Variants in TBC1D8 observed in about 807,000 individuals in gnomAD.
TBC1D8 encodes BUB2-like protein 1.
A neutral mutation model predicts 118.8 loss-of-function variants in TBC1D8; 65 were observed. The observed-to-expected ratio is 0.55, with a 90% CI of 0.45 to 0.67. The LOEUF (loss-of-function observed/expected upper bound fraction) is 0.67, where lower values mean the gene tolerates loss of function less well. Among genes scored for constraint, TBC1D8 ranks in the 30% least tolerant of loss-of-function variants. The pLI is 0.00. For missense variants in TBC1D8, 1,376 were observed against 1,471.2 expected, an observed-to-expected ratio of 0.94 and a Z score of 1.06; for synonymous variants, 566 against 595.8, an observed-to-expected ratio of 0.95 and a Z score of 0.73.
At chr2:101,126,665 T>C (rs1190643998) in intron 1 of TBC1D8, among the ~76,000 whole-genome samples, 1 of 152,210 alleles carries the variant, frequency 6.6e-6, no homozygotes, top group Non-Finnish European at 1.5e-5. Flanking sequence ...TGAAAACGTA[T>C]GGTATTATTA....
intron 2 of TBC1D8, chr2:101,068,560 TC>T: frequency 1.8e-6 from 1 of 556,348 alleles, no homozygotes; most frequent in Non-Finnish European, 3.3e-6. Context: ...CCTTAAAATC[TC>T]TGACTCTGGT....
At chr2:101,131,886 A>T (rs764239521) in intron 1 of TBC1D8, among the ~76,000 whole-genome samples, 5 of 152,208 alleles carry the variant, frequency 3.3e-5, no homozygotes, top group Non-Finnish European at 7.3e-5. Flanking sequence ...TTAGTTTCAG[A>T]CTTACAATAA....
At chr2:101,049,419 A>C (rs548853333) in intron 5 of TBC1D8, among the ~76,000 whole-genome samples, 43 of 152,302 alleles carry the variant, frequency 2.8e-4, no homozygotes, top group African/African-American at 9.9e-4. Context: ...TCTACAAACT[A>C]ATTTCCTGTG....
intron 1 of TBC1D8, among the ~76,000 whole-genome samples, chr2:101,127,557 A>G (rs1678406897): frequency 6.6e-6 from 1 of 152,040 alleles, no homozygotes; most frequent in Admixed American, 6.5e-5. Flanking sequence ...ACTTTTTTTG[A>G]GACAGGGTAT....
intron 1 of TBC1D8, among the ~76,000 whole-genome samples, chr2:101,115,757 A>AG (rs938071324): frequency 5.9e-5 from 9 of 152,176 alleles, no homozygotes; most frequent in Non-Finnish European, 1.2e-4. Flanking sequence ...TTTCAAAAAA[A>AG]AAAAGATTCT....
At chr2:101,088,572 C>A (rs1675800039) in intron 2 of TBC1D8, among the ~76,000 whole-genome samples, 1 of 152,094 alleles carries the variant, frequency 6.6e-6, no homozygotes, top group Non-Finnish European at 1.5e-5. Flanking sequence ...AGGCGTGAGC[C>A]ACCACACCCA....
At chr2:101,059,022 C>T (rs993016282) in intron 3 of TBC1D8, among the ~76,000 whole-genome samples, 3 of 152,012 alleles carry the variant, frequency 2.0e-5, no homozygotes, top group African/African-American at 7.2e-5. Context: ...TCTCTTGCCT[C>T]AGCCTCCCGA....
intron 2 of TBC1D8, among the ~76,000 whole-genome samples, chr2:101,064,956 C>A (rs1573966106): frequency 6.6e-6 from 1 of 152,196 alleles, no homozygotes; most frequent in Non-Finnish European, 1.5e-5. Flanking sequence ...TCATCTGACT[C>A]GGGCCTGGCT....
chr2:101,141,839 T>TA lies in TBC1D8; in HGVS notation c.127+9287dup, dbSNP rs199953466. Among the ~76,000 whole-genome samples, 240 of 138,980 alleles carry TA rather than the reference T, an allele frequency of 1.7e-3. 1 individual carries two copies. Among genetic ancestry groups the TA allele is most frequent in the East Asian group, 0.01 (46 of 4,426 alleles). The allele number at this position is 138,980 out of a possible 152,430, so 91.2% of individuals were successfully genotyped here. A position where few individuals can be genotyped will look rare whatever the true frequency, so the allele number is the denominator to read the frequency against. ...CACACACACACATACACAAGGCTCA[T>TA]AAAAAAAACTAAAAAAAAGGTAAGC... On this transcript the variant is annotated intron_variant, in intron 1 of 19. Coordinates refer to ENST00000409318, the MANE Select transcript of TBC1D8 (RefSeq NM_001330348.2).
chr2:101,061,617 G>C (rs897300412), intron 2 of TBC1D8, among the ~76,000 whole-genome samples: 1 of 151,988 alleles, frequency 6.6e-6, no homozygotes, highest in African/African-American at 2.4e-5. Context: ...TGACTTCCCC[G>C]GTCCCTACAC....
intron 5 of TBC1D8, among the ~76,000 whole-genome samples, chr2:101,041,182 A>G (rs1382070498): frequency 1.3e-5 from 2 of 152,150 alleles, no homozygotes; most frequent in Admixed American, 6.5e-5. Context: ...AAGAAATTCC[A>G]CTCCTAGGTA....
At chr2:101,107,981 CCA>C (rs1186840115) in intron 1 of TBC1D8, among the ~76,000 whole-genome samples, 2 of 151,684 alleles carry the variant, frequency 1.3e-5, no homozygotes, top group Non-Finnish European at 2.9e-5. Context: ...ATCACCTGAG[CCA>C]AGAGTTTGAG....
chr2:101,059,304 C>T (rs970289079), intron 3 of TBC1D8, 117 bp downstream of exon 3: 6 of 659,368 alleles, frequency 9.1e-6, no homozygotes, highest in East Asian at 3.0e-5. Context: ...TTTGGCATTA[C>T]GTATTGAGCC....
In TBC1D8 at chr2:101,040,111, C is replaced by G. The variant is rs1219107628; in HGVS notation, c.1080+67G>C. 3.2e-6 allele frequency: 5 copies of G among 1,554,910 alleles called. No homozygotes were observed. In the African/African-American group the frequency reaches 6.8e-5, roughly 21 times the overall value. ...ACTTCCCCTCCCACACTCCATCTCA[C>G]AGCCAGCAACCTTGTGTTCAAACAA... On this transcript the variant is annotated intron_variant, in intron 6 of 19. Coordinates refer to ENST00000409318, the MANE Select transcript of TBC1D8 (RefSeq NM_001330348.2).
chr2:101,052,632 G>A (rs1286999694), intron 4 of TBC1D8, among the ~76,000 whole-genome samples: 4 of 152,004 alleles, frequency 2.6e-5, no homozygotes, highest in Admixed American at 2.0e-4. Flanking sequence ...GTGCACCACC[G>A]TGCCTGGCTA....
intron 15 of TBC1D8, among the ~76,000 whole-genome samples, chr2:101,026,931 TG>T (rs1680371568): frequency 6.6e-6 from 1 of 152,206 alleles, no homozygotes; most frequent in African/African-American, 2.4e-5. Context: ...AATATGAACT[TG>T]AATGCATATC....
intron 1 of TBC1D8, among the ~76,000 whole-genome samples, chr2:101,147,337 C>T (rs1030560990): frequency 3.9e-5 from 6 of 152,102 alleles, no homozygotes; most frequent in African/African-American, 1.4e-4. Flanking sequence ...TACCCAGTAG[C>T]GGGACGGCAG....
Position 101,007,764 on chromosome 2 carries a change from A to G in TBC1D8, c.*57T>C, listed in dbSNP as rs186621310. The G allele has an allele frequency of 7.8e-6, 12 of 1,542,344 alleles. No individual in the cohort carries two copies. The African/African-American group carries it at 1.5e-4, about 19-fold the overall frequency. ...CGGTTTAGGGCTGACCCCAAGAAACAGTCTGGTTCGTGCTTTGGTATGGTG... is the reference window on the plus strand; with the variant it reads ...CGGTTTAGGGCTGACCCCAAGAAACGGTCTGGTTCGTGCTTTGGTATGGTG... On this transcript the variant is annotated 3_prime_UTR_variant, in exon 20 of 20. Coordinates refer to ENST00000409318, the MANE Select transcript of TBC1D8 (RefSeq NM_001330348.2).
At chr2:101,015,935 A>C (rs1679601220) in intron 17 of TBC1D8, among the ~76,000 whole-genome samples, 1 of 151,994 alleles carries the variant, frequency 6.6e-6, no homozygotes, top group African/African-American at 2.4e-5. Flanking sequence ...AGATGGATTA[A>C]AGACTTAAAC....
Sources: allele counts gnomAD v4.1 joint callset (sites outside exome capture counted in the v4.1 genomes callset), GRCh38; gene constraint gnomAD v4.1.1; transcripts MANE v1.5; gene names NCBI Gene and HGNC (gene_info 2026-07-23, HGNC 2026-07-21).